Variants in GRID2 observed in about 807,000 individuals in gnomAD.
GRID2 encodes glutamate ionotropic receptor delta type subunit 2, also known as glutamate receptor ionotropic, delta-2.
Under a neutral mutation model 114.8 loss-of-function variants are expected in GRID2, and 33 were observed. The ratio of observed to expected loss-of-function variants is 0.29; its 90% CI spans 0.22 to 0.38. The LOEUF is 0.38. Ranked by LOEUF, GRID2 falls within the 10% of genes least tolerant of loss-of-function variation. The pLI, the probability that GRID2 is intolerant of heterozygous loss-of-function variation, is 1.00. For synonymous variants in GRID2, 505 were observed against 449.9 expected (o/e 1.12, Z -1.55); for missense variants, 1,184 against 1,257.7 (o/e 0.94, Z 0.89).
At chr4:93,622,532 G>C (rs1742303738) in intron 13 of GRID2, among the ~76,000 whole-genome samples, 1 of 152,110 alleles carries the variant, frequency 6.6e-6, no homozygotes, top group Admixed American at 6.5e-5. Context: ...TTCTAATGGT[G>C]GTAGTCTTCG....
chr4:92,507,415 T>TTGTGTGTGTGTGTG (rs70940902), intron 1 of GRID2, among the ~76,000 whole-genome samples: 77 of 149,354 alleles, frequency 5.2e-4, no homozygotes, highest in African/African-American at 1.7e-3. Flanking sequence ...TCGTGTATAA[T>TTGTGTGTGTGTGTG]TGTGTGTGTG....
At chr4:93,451,311 T>A (rs1055291012) in intron 10 of GRID2, among the ~76,000 whole-genome samples, 1 of 152,064 alleles carries the variant, frequency 6.6e-6, no homozygotes, top group African/African-American at 2.4e-5. Flanking sequence ...GTAAACAAAT[T>A]ATTGTTCCAA....
chr4:93,369,262 C>T (rs1257192513), intron 8 of GRID2, among the ~76,000 whole-genome samples: 1 of 152,156 alleles, frequency 6.6e-6, no homozygotes, highest in Non-Finnish European at 1.5e-5. Flanking sequence ...CCTCTTCTGT[C>T]TGACAAATCT....
chr4:92,943,848 A>T (rs546478968), intron 2 of GRID2, among the ~76,000 whole-genome samples: 25 of 152,326 alleles, frequency 1.6e-4, no homozygotes, highest in Admixed American at 1.6e-3. Context: ...GGTCCACTCC[A>T]GGCCCTGTTT....
chr4:92,902,072 TGTG>T (rs1016471726), intron 2 of GRID2, among the ~76,000 whole-genome samples: 21 of 152,258 alleles, frequency 1.4e-4, no homozygotes, highest in African/African-American at 4.8e-4. Context: ...CAAAAGTAAT[TGTG>T]GTTTTGCCAT....
Position 93,422,852 on chromosome 4 carries a change from G to T in GRID2, c.1429G>T (p.Ala477Ser), listed in dbSNP as rs754950016. 1 of 1,612,842 alleles carries T rather than the reference G, an allele frequency of 6.2e-7. No individual in the cohort carries two copies. The highest frequency in any genetic ancestry group is 1.1e-5 in the South Asian group (1 of 91,036). Residue 477 changes from alanine to serine, a missense_variant, in exon 10 of 16, where the codon GCC (alanine) becomes TCC (serine). Ala to Ser is a moderately conservative substitution (Grantham distance 99, BLOSUM62 1). This residue lies in a region of GRID2 where 717 missense variants were observed against 796.9 expected (regional missense o/e 0.90). Transcript: ENST00000282020. ...GGGCTTCTCCATTGATGTTTTGGAT[G>T]CCTTATCTAACTACCTGGGTTTTAA... ...YQGFSIDVLD[A>S]LSNYLGFNYE...
intron 8 of GRID2, among the ~76,000 whole-genome samples, chr4:93,341,211 C>T (rs1448077592): frequency 6.6e-6 from 1 of 152,112 alleles, no homozygotes; most frequent in Non-Finnish European, 1.5e-5. Context: ...TCCAAAATTT[C>T]GGTAGATACT....
chr4:93,145,604 G>T (rs1736140455), intron 4 of GRID2, among the ~76,000 whole-genome samples: 1 of 141,952 alleles, frequency 7.0e-6, no homozygotes, highest in African/African-American at 2.6e-5. Context: ...AATTACAGGT[G>T]CCTGACACCC....
At chr4:93,203,161 G>A (rs977325846) in intron 4 of GRID2, among the ~76,000 whole-genome samples, 1 of 151,712 alleles carries the variant, frequency 6.6e-6, no homozygotes, top group Non-Finnish European at 1.5e-5. Context: ...CTTTATTTTG[G>A]TAACATTTGA....
At chr4:92,821,297 C>T (rs1245289863) in intron 2 of GRID2, among the ~76,000 whole-genome samples, 1 of 152,064 alleles carries the variant, frequency 6.6e-6, no homozygotes, top group Non-Finnish European at 1.5e-5. Context: ...ATGGTCAGCG[C>T]CTCTGGCAAT....
chr4:93,018,612 T>A (rs1722994186), intron 2 of GRID2, among the ~76,000 whole-genome samples: 2 of 152,128 alleles, frequency 1.3e-5, no homozygotes, highest in Admixed American at 6.6e-5. Flanking sequence ...ATTCACCAGG[T>A]CTTCACAAAG....
intron 2 of GRID2, among the ~76,000 whole-genome samples, chr4:92,618,827 G>C (rs1367856063): frequency 6.6e-6 from 1 of 151,554 alleles, no homozygotes; most frequent in East Asian, 1.9e-4. Flanking sequence ...TATTTTTCAG[G>C]TAATTTATTG....
At chr4:92,713,920 C>T (rs1229647850) in intron 2 of GRID2, among the ~76,000 whole-genome samples, 6 of 152,006 alleles carry the variant, frequency 3.9e-5, no homozygotes, top group Non-Finnish European at 8.8e-5. Context: ...CATTCTACCC[C>T]TTGCCCCTCC....
chr4:93,680,788 A>C (rs1725444446), intron 14 of GRID2, among the ~76,000 whole-genome samples: 1 of 152,128 alleles, frequency 6.6e-6, no homozygotes, highest in South Asian at 2.1e-4. Flanking sequence ...TCAAAATAAT[A>C]AGAGCTATCT....
chr4:92,953,883 A>G (rs1040594565), intron 2 of GRID2, among the ~76,000 whole-genome samples: 19 of 101,346 alleles, frequency 1.9e-4, no homozygotes, highest in African/African-American at 1.0e-3. Context: ...GCTTCTACAA[A>G]TTATTTTAAA....
intron 14 of GRID2, among the ~76,000 whole-genome samples, chr4:93,753,528 G>A (rs940135057): frequency 6.6e-6 from 1 of 151,864 alleles, no homozygotes; most frequent in African/African-American, 2.4e-5. Flanking sequence ...AGTGTGTGAT[G>A]TTCCCCACCC....
intron 8 of GRID2, among the ~76,000 whole-genome samples, chr4:93,370,803 A>G (rs900959969): frequency 2.0e-5 from 3 of 152,122 alleles, no homozygotes; most frequent in African/African-American, 7.2e-5. Context: ...TTTTTAGACT[A>G]TGACCACCTT....
At chr4:93,304,710 T>C (rs921789927) in intron 8 of GRID2, among the ~76,000 whole-genome samples, 8 of 152,094 alleles carry the variant, frequency 5.3e-5, no homozygotes, top group African/African-American at 1.9e-4. Flanking sequence ...AAAATTAAAC[T>C]AAAACAAAAC....
At chr4:93,355,681 A>G (rs981056528) in intron 8 of GRID2, among the ~76,000 whole-genome samples, 5 of 152,078 alleles carry the variant, frequency 3.3e-5, no homozygotes, top group East Asian at 1.9e-4. Context: ...CCTTTAGTCC[A>G]TAGACTGAAA....
Sources: allele counts gnomAD v4.1 joint callset (sites outside exome capture counted in the v4.1 genomes callset), GRCh38; gene constraint gnomAD v4.1.1; regional missense constraint gnomAD v4.1.1; transcripts MANE v1.5; gene names NCBI Gene and HGNC (gene_info 2026-07-23, HGNC 2026-07-21).